TGM2: variants seen among roughly 807,000 people sequenced by gnomAD.
TGM2 encodes the protein transglutaminase 2, also known as protein-glutamine gamma-glutamyltransferase 2.
TGM2 carries 53 observed loss-of-function variants against 75.6 expected under a neutral mutation model. That is an observed-to-expected ratio of 0.70 (90% confidence interval 0.56 to 0.88). The LOEUF (loss-of-function observed/expected upper bound fraction) is 0.88. TGM2 is among the 40% of genes least tolerant of loss of function. TGM2 has a pLI of 0.00. For missense variants in TGM2, 842 were observed against 928.5 expected, an observed-to-expected ratio of 0.91 and a Z score of 1.21; for synonymous variants, 374 against 381.1, an observed-to-expected ratio of 0.98 and a Z score of 0.22.
intron 12 of TGM2, 61 bp downstream of exon 12, chr20:38,131,032 T>C: frequency 6.2e-7 from 1 of 1,604,256 alleles, no homozygotes; most frequent in Non-Finnish European, 8.5e-7. Flanking sequence ...GGACAGTCTC[T>C]ACCCCCACCG....
chr20:38,146,565 G>A (rs1235102492), intron 6 of TGM2, 152 bp downstream of exon 6: 6 of 874,208 alleles, frequency 6.9e-6, no homozygotes, highest in South Asian at 2.8e-5. Flanking sequence ...ATAAAGGACC[G>A]GAGAGGGTGG....
intron 2 of TGM2, among the ~76,000 whole-genome samples, chr20:38,158,013 C>T (rs1437512382): frequency 2.6e-5 from 4 of 152,184 alleles, no homozygotes. Context: ...GACCAAGCAT[C>T]ACAGTTTGCT....
chr20:38,138,264 G>A lies in TGM2; in HGVS notation c.1464C>T (p.Asp488=). ...RVGQSMNMGS[D]FDVFAHITNN... is the part of the protein sequence containing the mutation. ...TGGTGATGTGGGCAAAGACGTCAAA[G>A]TCACTGCCCATGTTCATGCTCTGGC... The change falls in exon 10 of 13, where the codon GAC becomes GAT. Residue 488 remains aspartate, a synonymous_variant. Coordinates refer to ENST00000361475, the MANE Select transcript of TGM2 (RefSeq NM_004613.4). 1.4e-5 allele frequency: 22 copies of A among 1,614,098 alleles called. No homozygotes were observed. The highest frequency in any genetic ancestry group is 1.9e-5 in the Non-Finnish European group (22 of 1,179,978).
chr20:38,161,683 G>T lies in TGM2; in HGVS notation c.11-84C>A, dbSNP rs981443821. On this transcript the variant is annotated intron_variant, in intron 1 of 12. Transcript: ENST00000361475. ...GCACCTGCCCTCCCTAGACATGGGG[G>T]CCTTGTGCCCTCTTACTCCCCACAA... is the stretch of plus-strand genomic sequence containing the variant. The T allele has an allele frequency of 7.9e-6, 12 of 1,513,824 alleles. No individual in the cohort carries two copies. In the African/African-American group the frequency reaches 1.5e-4, roughly 19 times the overall value. 93.8% of individuals were successfully genotyped at this position (1,513,824 alleles called of 1,614,324 possible). A position where few individuals can be genotyped will look rare whatever the true frequency, so the allele number is the denominator to read the frequency against.
chr20:38,166,186 A>G (rs1277640583), upstream of TGM2, among the ~76,000 whole-genome samples: 1 of 136,522 alleles, frequency 7.3e-6, no homozygotes, highest in Non-Finnish European at 1.7e-5. Flanking sequence ...CTCCGATCTC[A>G]CCCATCCTTG....
In TGM2 at chr20:38,131,221, C is replaced by T. The variant is rs776740130; in HGVS notation, c.1785G>A (p.Gly595=). The T allele has an allele frequency of 3.7e-6, 6 of 1,613,692 alleles. No individual in the cohort carries two copies. The South Asian group carries it at 4.4e-5, about 12-fold the overall frequency. ...CCAGCTTGCGTTTCTGCTTGGGCTC[C>T]CCAAGGATCTGGAAGAGGGCATGGG... The part of the protein sequence containing the change: ...ENPEIKIRIL[G]EPKQKRKLVA... Residue 595 remains glycine, a synonymous_variant, in exon 12 of 13, where the codon GGG becomes GGA. Coordinates refer to ENST00000361475, the MANE Select transcript of TGM2 (RefSeq NM_004613.4).
intron 12 of TGM2, 109 bp from the exon 13 acceptor site, chr20:38,130,478 A>G: frequency 1.6e-6 from 2 of 1,237,668 alleles, no homozygotes; most frequent in Non-Finnish European, 1.1e-6. Context: ...CAGCGTGTCC[A>G]TGAATGGGCC....
At chr20:38,131,651 T>C (rs1004630176) in intron 11 of TGM2, among the ~76,000 whole-genome samples, 3 of 152,112 alleles carry the variant, frequency 2.0e-5, no homozygotes, top group Admixed American at 1.3e-4. Flanking sequence ...TGAGCTAATA[T>C]GTGCAAGCTT....
At chr20:38,140,504 T>C (rs1010785343) in intron 8 of TGM2, among the ~76,000 whole-genome samples, 5 of 152,152 alleles carry the variant, frequency 3.3e-5, no homozygotes, top group Non-Finnish European at 5.9e-5. Context: ...GTATCTTTGT[T>C]TTCACCATAG....
intron 3 of TGM2, among the ~76,000 whole-genome samples, chr20:38,153,924 C>T (rs1600510736): frequency 1.3e-5 from 2 of 152,214 alleles, no homozygotes; most frequent in East Asian, 3.8e-4. Context: ...TCAAGCGATC[C>T]TCCCACCTTA....
chr20:38,145,644 A>G (rs2075034761), intron 6 of TGM2: 1 of 151,972 alleles, frequency 6.6e-6, no homozygotes, highest in Admixed American at 6.6e-5. Context: ...TGCCCATTTT[A>G]CATACAATGG....
intron 4 of TGM2, among the ~76,000 whole-genome samples, chr20:38,148,949 T>G (rs2075080306): frequency 6.6e-6 from 1 of 152,156 alleles, no homozygotes; most frequent in African/African-American, 2.4e-5. Context: ...CAGATCTCCC[T>G]CCAAGCTGCA....
chr20:38,132,035 G>A (rs1433270461), intron 11 of TGM2, among the ~76,000 whole-genome samples: 1 of 151,322 alleles, frequency 6.6e-6, no homozygotes, highest in South Asian at 2.1e-4. Flanking sequence ...TGCCCCACCA[G>A]TGCCCAGTGC....
At chr20:38,140,636 A>G (rs2074960583) in intron 8 of TGM2, among the ~76,000 whole-genome samples, 1 of 152,208 alleles carries the variant, frequency 6.6e-6, no homozygotes, top group Admixed American at 6.5e-5. Flanking sequence ...AGATGGCAGG[A>G]AATTAATTTA....
rs1000749465 is a variant in TGM2, at chr20:38,128,823, G to A, written c.*1396C>T. On this transcript the variant is annotated 3_prime_UTR_variant, in exon 13 of 13. Transcript: ENST00000361475. ...CTCATGGGTTCCCCAAGCTTCCTCC[G>A]GGGCAGGGGCTATGTTTGGGGGCCT... is the stretch of plus-strand genomic sequence containing the variant. 4 of 152,278 alleles carry A rather than the reference G, an allele frequency of 2.6e-5. No homozygotes were observed. The highest frequency in any genetic ancestry group is 4.8e-5 in the African/African-American group (2 of 41,442). The allele number at this position is 152,278 out of a possible 1,614,324, so 9.4% of individuals were successfully genotyped here.
chr20:38,138,877 T>C (rs1007681112), intron 9 of TGM2, among the ~76,000 whole-genome samples: 45 of 152,328 alleles, frequency 3.0e-4, no homozygotes, highest in African/African-American at 1.0e-3. Context: ...TTGATTTTTT[T>C]CTCCCAGTGT....
chr20:38,148,405 C>A (rs2075073200), intron 4 of TGM2, among the ~76,000 whole-genome samples: 1 of 152,180 alleles, frequency 6.6e-6, no homozygotes, highest in South Asian at 2.1e-4. Flanking sequence ...GGGGCTCCCC[C>A]TCAGAGTCAC....
intron 6 of TGM2, among the ~76,000 whole-genome samples, chr20:38,143,367 C>T (rs1306330916): frequency 1.3e-5 from 2 of 152,204 alleles, no homozygotes; most frequent in African/African-American, 2.4e-5. Context: ...CATCATCATT[C>T]CCAATGTACA....
chr20:38,162,770 G>A (rs568126557), intron 1 of TGM2, among the ~76,000 whole-genome samples: 1 of 152,306 alleles, frequency 6.6e-6, no homozygotes, highest in African/African-American at 2.4e-5. Context: ...ATGACATGAT[G>A]TGATGTCTGA....
Sources: gnomAD v4.1 joint callset for allele counts (sites outside exome capture counted in the v4.1 genomes callset) on GRCh38, gnomAD v4.1.1 for gene constraint, MANE v1.5 for transcripts, NCBI Gene and HGNC (gene_info 2026-07-23, HGNC 2026-07-21) for gene names.